RNGTT: variants seen among roughly 807,000 people sequenced by gnomAD.
RNGTT encodes the protein mRNA-capping enzyme.
In RNGTT, 33 loss-of-function variants were observed where a neutral mutation model predicts 79.3. The observed-to-expected ratio is 0.42, with a 90% confidence interval of 0.32 to 0.56. RNGTT has a LOEUF of 0.56. Among genes scored for constraint, RNGTT ranks in the 20% least tolerant of loss-of-function variants. The pLI, the probability that RNGTT is intolerant of heterozygous loss-of-function variation, is 0.17. For synonymous variants in RNGTT, 222 were observed against 235.9 expected (o/e 0.94, Z 0.54); for missense variants, 497 against 739.1 (o/e 0.67, Z 3.80).
At chr6:88,867,641 T>C (rs1455090508) in intron 8 of RNGTT, among the ~76,000 whole-genome samples, 1 of 152,180 alleles carries the variant, frequency 6.6e-6, no homozygotes, top group Non-Finnish European at 1.5e-5. Context: ...TCTTCTTAGC[T>C]ATAGAAATGT....
intron 4 of RNGTT, among the ~76,000 whole-genome samples, chr6:88,906,722 A>C (rs1250323616): frequency 1.3e-5 from 2 of 152,204 alleles, no homozygotes; most frequent in Admixed American, 6.5e-5. Context: ...GAAGATTCCA[A>C]GCATTTTAAA....
chr6:88,625,485 C>G (rs1772592919), intron 14 of RNGTT, among the ~76,000 whole-genome samples: 1 of 151,972 alleles, frequency 6.6e-6, no homozygotes, highest in Non-Finnish European at 1.5e-5. Flanking sequence ...ACTTTAAAAG[C>G]TATAGAGTAT....
At chr6:88,848,640 T>C (rs1003859727) in intron 10 of RNGTT, among the ~76,000 whole-genome samples, 1 of 151,882 alleles carries the variant, frequency 6.6e-6, no homozygotes, top group African/African-American at 2.4e-5. Context: ...ACCAGAAACC[T>C]TGCAAAAGAA....
chr6:88,749,182 A>G (rs1254085266), intron 13 of RNGTT, among the ~76,000 whole-genome samples: 1 of 152,186 alleles, frequency 6.6e-6, no homozygotes, highest in Non-Finnish European at 1.5e-5. Context: ...AGAAATGTTA[A>G]AGAATGTAAC....
intron 13 of RNGTT, among the ~76,000 whole-genome samples, chr6:88,716,803 A>T (rs1018517726): frequency 5.6e-4 from 85 of 152,076 alleles, no homozygotes; most frequent in Non-Finnish European, 6.6e-4. Flanking sequence ...AACATCACAC[A>T]CCGAGGCCTG....
chr6:88,880,961 C>T (rs1782678069), intron 8 of RNGTT, among the ~76,000 whole-genome samples: 1 of 152,128 alleles, frequency 6.6e-6, no homozygotes, highest in Admixed American at 6.5e-5. Flanking sequence ...TTCACAATTA[C>T]AAGACAGTTC....
chr6:88,889,983 T>TA (rs1289854604), intron 8 of RNGTT, among the ~76,000 whole-genome samples: 1 of 151,996 alleles, frequency 6.6e-6, no homozygotes, highest in East Asian at 1.9e-4. Flanking sequence ...TGTCTCAAAT[T>TA]AAAAAAATCT....
chr6:88,610,399 T>C lies in RNGTT; in HGVS notation c.*2320A>G. ...CCACGCAGTAGAGTCATCCACACCT[T>C]TTCCTAACAAAAAGCAAAAGCTTTC... is the stretch of plus-strand genomic sequence containing the variant. On this transcript the variant is annotated 3_prime_UTR_variant, in exon 16 of 16. Coordinates refer to ENST00000369485, the MANE Select transcript of RNGTT (RefSeq NM_003800.5). The C allele has an allele frequency of 6.6e-6, 1 of 152,618 alleles. No homozygotes were observed. Among genetic ancestry groups the C allele is most frequent in the East Asian group, 1.9e-4 (1 of 5,200 alleles). The allele number at this position is 152,618 out of a possible 1,614,324, so 9.5% of individuals were successfully genotyped here.
chr6:88,767,977 G>A (rs1367311355), intron 13 of RNGTT, among the ~76,000 whole-genome samples: 2 of 152,126 alleles, frequency 1.3e-5, no homozygotes, highest in African/African-American at 4.8e-5. Flanking sequence ...TCATTCCTGT[G>A]TGTGTATTCC....
At chr6:88,647,448 T>C (rs1290507955) in intron 14 of RNGTT, among the ~76,000 whole-genome samples, 3 of 151,876 alleles carry the variant, frequency 2.0e-5, no homozygotes. Context: ...ACAAGATGGG[T>C]ACAGTGGCTC....
rs540033665 is a variant in RNGTT at position 88,663,281 on chromosome 6, C to G, written c.1506+15072G>C. On this transcript the variant is annotated intron_variant, in intron 14 of 15. Transcript: ENST00000369485. ...GGGGACTATGGAATTGCTATGACAC[C>G]TGGAAAGCTTAAGGCTTTATGTGAG... is the stretch of plus-strand genomic sequence containing the variant. Among the ~76,000 whole-genome samples, 12 of 152,190 alleles carry G rather than the reference C, an allele frequency of 7.9e-5. No homozygotes were observed. In the East Asian group the frequency reaches 2.3e-3, roughly 29 times the overall value.
chr6:88,891,743 G>T, intron 7 of RNGTT, 63 bp downstream of exon 7: 1 of 995,614 alleles, frequency 1.0e-6, no homozygotes, highest in Non-Finnish European at 1.4e-6. Flanking sequence ...ATATGTCAAT[G>T]CTTGTATTAA....
At chr6:88,728,115 A>G (rs901772447) in intron 13 of RNGTT, among the ~76,000 whole-genome samples, 10 of 152,244 alleles carry the variant, frequency 6.6e-5, no homozygotes, top group Admixed American at 6.5e-4. Flanking sequence ...AAACCCTACC[A>G]AACTAAAGCT....
chr6:88,748,311 C>G (rs1777732134), intron 13 of RNGTT, among the ~76,000 whole-genome samples: 1 of 151,994 alleles, frequency 6.6e-6, no homozygotes, highest in Non-Finnish European at 1.5e-5. Context: ...TTCTACTTCT[C>G]TCTCCCTCCT....
At chr6:88,815,718 G>A (rs1032914436) in intron 11 of RNGTT, among the ~76,000 whole-genome samples, 8 of 152,208 alleles carry the variant, frequency 5.3e-5, no homozygotes, top group Admixed American at 4.6e-4. Flanking sequence ...AGAATGATGC[G>A]ATAGTTGCCT....
chr6:88,882,370 G>C (rs1192077628), intron 8 of RNGTT, among the ~76,000 whole-genome samples: 2 of 152,094 alleles, frequency 1.3e-5, no homozygotes, highest in African/African-American at 2.4e-5. Flanking sequence ...ATAGTTATCT[G>C]CAAGTTCTAT....
In RNGTT at chr6:88,783,546, A is replaced by G. The variant is rs2127850462; in HGVS notation, c.1339-13672T>C. Among the ~76,000 whole-genome samples, 3 of 152,338 alleles carry G rather than the reference A, an allele frequency of 2.0e-5. 1 individual carries two copies. In the South Asian group the frequency reaches 6.2e-4, roughly 32 times the overall value. On this transcript the variant is annotated intron_variant, in intron 12 of 15. Coordinates refer to ENST00000369485, the MANE Select transcript of RNGTT (RefSeq NM_003800.5). ...ATACATACAATTTCTATACGTCAAA[A>G]AAGTTAAATTGTCACAAAATATAGA...
At chr6:88,959,647 CTAAT>C (rs1447915639) in intron 1 of RNGTT, among the ~76,000 whole-genome samples, 2 of 152,116 alleles carry the variant, frequency 1.3e-5, no homozygotes, top group African/African-American at 4.8e-5. Context: ...CAACAAGTTC[CTAAT>C]TAGTCTCTCC....
intron 14 of RNGTT, among the ~76,000 whole-genome samples, chr6:88,663,142 C>A (rs1361868897): frequency 6.6e-6 from 1 of 152,054 alleles, no homozygotes; most frequent in Non-Finnish European, 1.5e-5. Flanking sequence ...TTTTTCCCTT[C>A]CCCCTTTGTG....
Sources: allele counts gnomAD v4.1 joint callset (sites outside exome capture counted in the v4.1 genomes callset), GRCh38; gene constraint gnomAD v4.1.1; transcripts MANE v1.5; gene names NCBI Gene and HGNC (gene_info 2026-07-23, HGNC 2026-07-21).